The following LHFPL6 variants were observed in gnomAD, a reference collection of about 807,000 sequenced individuals.
LHFPL6 encodes the protein LHFPL tetraspan subfamily member 6 protein.
LHFPL6 carries 9 observed loss-of-function variants against 20.6 expected under a neutral mutation model. That is an observed-to-expected ratio of 0.44 (90% CI 0.26 to 0.76). The LOEUF (loss-of-function observed/expected upper bound fraction) is 0.76, where lower values mean the gene tolerates loss of function less well. LHFPL6 is among the 30% of genes least tolerant of loss of function. The pLI is 0.20. For missense variants in LHFPL6, 218 were observed against 253.5 expected, an observed-to-expected ratio of 0.86 and a Z score of 0.95; for synonymous variants, 105 against 98.7, an observed-to-expected ratio of 1.06 and a Z score of -0.38.
At chr13:39,380,986 A>G (rs772315308) in intron 2 of LHFPL6, among the ~76,000 whole-genome samples, 4 of 152,118 alleles carry the variant, frequency 2.6e-5, no homozygotes, top group Non-Finnish European at 5.9e-5. Context: ...TGAGTTGTAT[A>G]TTTATTTCAT....
chr13:39,479,906 C>A (rs567925327), intron 2 of LHFPL6, among the ~76,000 whole-genome samples: 1 of 152,176 alleles, frequency 6.6e-6, no homozygotes, highest in Non-Finnish European at 1.5e-5. Context: ...GCCGGGTGTA[C>A]CCCCGAACAG....
chr13:39,376,931 T>A (rs1459159538), intron 3 of LHFPL6, among the ~76,000 whole-genome samples: 1 of 152,106 alleles, frequency 6.6e-6, no homozygotes, highest in East Asian at 1.9e-4. Context: ...AGCAGGAAAG[T>A]CTCTCTCACC....
At chr13:39,575,694 G>T (rs985854565) in intron 2 of LHFPL6, among the ~76,000 whole-genome samples, 1 of 152,126 alleles carries the variant, frequency 6.6e-6, no homozygotes, top group African/African-American at 2.4e-5. Flanking sequence ...TCAAAATTCC[G>T]AAGTGGGAAG....
intron 2 of LHFPL6, among the ~76,000 whole-genome samples, chr13:39,545,966 T>C (rs1389669084): frequency 6.6e-6 from 1 of 152,202 alleles, no homozygotes; most frequent in Non-Finnish European, 1.5e-5. Context: ...TGTATTGTTA[T>C]ATTTTATTGT....
At chr13:39,502,275 C>T (rs1401104001) in intron 2 of LHFPL6, among the ~76,000 whole-genome samples, 1 of 152,106 alleles carries the variant, frequency 6.6e-6, no homozygotes, top group Non-Finnish European at 1.5e-5. Flanking sequence ...ATCAGTGATT[C>T]GCAAATGCTC....
At chr13:39,457,701 G>C (rs945213462) in intron 2 of LHFPL6, among the ~76,000 whole-genome samples, 1 of 152,238 alleles carries the variant, frequency 6.6e-6, no homozygotes, top group Non-Finnish European at 1.5e-5. Flanking sequence ...GACTTTTTAA[G>C]ATGAGGAAAC....
chr13:39,381,271 A>C (rs1043992990), intron 2 of LHFPL6, among the ~76,000 whole-genome samples: 1 of 152,190 alleles, frequency 6.6e-6, no homozygotes, highest in Non-Finnish European at 1.5e-5. Context: ...AGTCTGGCCC[A>C]GTCTTATGCT....
At chr13:39,595,987 C>T (rs1375687845) in intron 2 of LHFPL6, among the ~76,000 whole-genome samples, 4 of 152,158 alleles carry the variant, frequency 2.6e-5, no homozygotes, top group Admixed American at 2.0e-4. Flanking sequence ...TTTCAATTAA[C>T]AATTTCTTAC....
chr13:39,578,035 T>C (rs1344294660), intron 2 of LHFPL6, among the ~76,000 whole-genome samples: 1 of 152,166 alleles, frequency 6.6e-6, no homozygotes, highest in East Asian at 1.9e-4. Flanking sequence ...TCCTGGCAGC[T>C]TGCCAGAAAA....
At chr13:39,348,510 C>T (rs1869471271) in intron 3 of LHFPL6, among the ~76,000 whole-genome samples, 2 of 152,160 alleles carry the variant, frequency 1.3e-5, no homozygotes, top group Admixed American at 1.3e-4. Context: ...ACCCTCATGA[C>T]AAACTGCACC....
Position 39,360,460 on chromosome 13 carries a change from C to T in LHFPL6, c.485-16406G>A, listed in dbSNP as rs1251074803. On this transcript the variant is annotated intron_variant, in intron 3 of 3. Transcript: ENST00000379589. ...TGGCATTAAGCGCTCTCCATAACCA[C>T]GCATGTCAAAGGGAGCAGAGATTTA... Among the ~76,000 whole-genome samples the T allele has an allele frequency of 1.0e-4, 10 of 97,988 alleles. 5 individuals carry two copies. The highest frequency in any genetic ancestry group is 2.4e-4 in the Non-Finnish European group (10 of 41,450). 64.3% of individuals were successfully genotyped at this position (97,988 alleles called of 152,430 possible).
chr13:39,426,122 C>G (rs1474428174), intron 2 of LHFPL6, among the ~76,000 whole-genome samples: 1 of 152,150 alleles, frequency 6.6e-6, no homozygotes, highest in Non-Finnish European at 1.5e-5. Context: ...TTTTCATCAC[C>G]TCAAACAGAA....
chr13:39,562,399 C>CAT (rs1393013687), intron 2 of LHFPL6, among the ~76,000 whole-genome samples: 2 of 44,328 alleles, frequency 4.5e-5, no homozygotes, highest in East Asian at 6.9e-4. Flanking sequence ...CATATATATA[C>CAT]ATATATACAC....
rs75468709 is a variant in LHFPL6 at position 39,447,742 on chromosome 13, G to T, written c.386-69216C>A. Among the ~76,000 whole-genome samples, 260 of 152,280 alleles carry T rather than the reference G, an allele frequency of 1.7e-3. 1 individual carries two copies. Among genetic ancestry groups the T allele is most frequent in the African/African-American group, 6.1e-3 (255 of 41,560 alleles). The stretch of plus-strand genomic sequence containing the variant: ...ACACAGCAAGAGAGGAAAAGGGAAG[G>T]ATGCAAGAAGAGGGAGATCCATCCC... On this transcript the variant is annotated intron_variant, in intron 2 of 3. Transcript: ENST00000379589.
At chr13:39,433,384 A>G (rs999073418) in intron 2 of LHFPL6, among the ~76,000 whole-genome samples, 1 of 152,254 alleles carries the variant, frequency 6.6e-6, no homozygotes, top group African/African-American at 2.4e-5. Flanking sequence ...CTTATATGAT[A>G]GATGCACATG....
intron 2 of LHFPL6, among the ~76,000 whole-genome samples, chr13:39,422,627 C>A (rs983888054): frequency 6.9e-6 from 1 of 145,580 alleles, no homozygotes; most frequent in African/African-American, 2.5e-5. Flanking sequence ...GAAGAAAACA[C>A]AATGCGCAAC....
At chr13:39,344,973 T>C (rs929039459) in intron 3 of LHFPL6, among the ~76,000 whole-genome samples, 3 of 152,252 alleles carry the variant, frequency 2.0e-5, no homozygotes, top group African/African-American at 7.2e-5. Context: ...AGCTTTTTCT[T>C]TCTTAATGAC....
chr13:39,470,220 T>C (rs1333214547), intron 2 of LHFPL6, among the ~76,000 whole-genome samples: 1 of 152,206 alleles, frequency 6.6e-6, no homozygotes, highest in Non-Finnish European at 1.5e-5. Context: ...TTCTTCTCTA[T>C]CAAATATAAT....
chr13:39,556,929 T>A (rs1566140421), intron 2 of LHFPL6, among the ~76,000 whole-genome samples: 3 of 151,944 alleles, frequency 2.0e-5, no homozygotes, highest in African/African-American at 7.3e-5. Context: ...ACCACTGCAG[T>A]CCAGCCTGAG....
Sources: allele counts gnomAD v4.1 joint callset (sites outside exome capture counted in the v4.1 genomes callset), GRCh38; gene constraint gnomAD v4.1.1; transcripts MANE v1.5; gene names NCBI Gene and HGNC (gene_info 2026-07-23, HGNC 2026-07-21).